Variants in ERLEC1 observed in about 807,000 individuals in gnomAD.
ERLEC1 encodes the protein endoplasmic reticulum lectin 1.
Under a neutral mutation model 68.0 loss-of-function variants are expected in ERLEC1, and 47 were observed. The observed-to-expected ratio is 0.69, with a 90% confidence interval of 0.55 to 0.88. ERLEC1 has a LOEUF of 0.88. Ranked by LOEUF, ERLEC1 falls within the 40% of genes least tolerant of loss-of-function variation. ERLEC1 has a pLI of 0.00. For synonymous variants in ERLEC1, 225 were observed against 203.2 expected (o/e 1.11, Z -0.91); for missense variants, 567 against 583.8 (o/e 0.97, Z 0.30).
chr2:53,798,540 A>G (rs1159066884), intron 5 of ERLEC1, among the ~76,000 whole-genome samples: 5 of 152,018 alleles, frequency 3.3e-5, no homozygotes, highest in African/African-American at 7.2e-5. Flanking sequence ...GATCGTATGC[A>G]TGAGGATGAG....
In ERLEC1 at chr2:53,818,118, T is replaced by TA. The variant is rs1354689213; in HGVS notation, c.*150dup. The stretch of plus-strand genomic sequence containing the variant: ...CAACCACTTTGTGAATACATATGTG[T>TA]ATATAAGAGGTTATTGATAAACTTC... On this transcript the variant is annotated 3_prime_UTR_variant, in exon 14 of 14. Transcript: ENST00000185150. 2 of 513,970 alleles carry TA rather than the reference T, an allele frequency of 3.9e-6. No homozygotes were observed. Among genetic ancestry groups the TA allele is most frequent in the Non-Finnish European group, 7.0e-6 (2 of 287,194 alleles). 31.8% of individuals were successfully genotyped at this position (513,970 alleles called of 1,614,324 possible).
At chr2:53,805,555 A>G (rs1676253458) in intron 8 of ERLEC1, among the ~76,000 whole-genome samples, 2 of 152,226 alleles carry the variant, frequency 1.3e-5, no homozygotes, top group South Asian at 4.1e-4. Flanking sequence ...CTGTTGATGG[A>G]CACTTAGGTT....
At chr2:53,805,732 G>A (rs1385944163) in intron 8 of ERLEC1, among the ~76,000 whole-genome samples, 2 of 152,184 alleles carry the variant, frequency 1.3e-5, no homozygotes, top group African/African-American at 4.8e-5. Context: ...AGACTGTTCT[G>A]TATAGTGTTT....
chr2:53,815,830 G>T (rs915194445), intron 13 of ERLEC1, among the ~76,000 whole-genome samples: 1 of 152,060 alleles, frequency 6.6e-6, no homozygotes, highest in Non-Finnish European at 1.5e-5. Flanking sequence ...TCCAGTCAGG[G>T]TATTCAGAAT....
At chr2:53,815,413 A>G (rs765670218) in intron 13 of ERLEC1, among the ~76,000 whole-genome samples, 6 of 152,138 alleles carry the variant, frequency 3.9e-5, no homozygotes, top group Non-Finnish European at 8.8e-5. Context: ...GTTTTTCTTG[A>G]CATTTTTTAT....
intron 3 of ERLEC1, among the ~76,000 whole-genome samples, chr2:53,797,289 A>G (rs1675764785): frequency 1.3e-5 from 2 of 152,242 alleles, no homozygotes; most frequent in African/African-American, 4.8e-5. Context: ...TACAGACCCC[A>G]AGTGTATTCT....
intron 1 of ERLEC1, chr2:53,787,756 C>T (rs373771186): frequency 7.1e-5 from 13 of 184,082 alleles, no homozygotes; most frequent in Admixed American, 2.4e-4. Context: ...TTCAGTATTA[C>T]ATGTCACCCT....
In ERLEC1 at chr2:53,808,484, A is replaced by C. The variant is rs200180941; in HGVS notation, c.1041+24A>C. ...GGGTGAGAAGTAAATCTTCAGTTTA[A>C]ATATTTATTTTACAACTTTACCTGC... On this transcript the variant is annotated intron_variant, in intron 9 of 13. Transcript: ENST00000185150. 8.3e-4 allele frequency: 1,339 copies of C among 1,609,692 alleles called. 2 individuals are homozygous for C. The Middle Eastern group carries it at 0.016, about 20-fold the overall frequency.
chr2:53,806,852 A>G (rs1459636832), intron 8 of ERLEC1, among the ~76,000 whole-genome samples: 1 of 152,200 alleles, frequency 6.6e-6, no homozygotes, highest in Admixed American at 6.5e-5. Context: ...TCAGGTCTAC[A>G]TTCATTTCTT....
chr2:53,788,848 T>C (rs1297910984), intron 1 of ERLEC1: 1 of 152,192 alleles, frequency 6.6e-6, no homozygotes, highest in East Asian at 1.9e-4. Context: ...TACCTGTTGT[T>C]GTATCCAAAG....
In ERLEC1 at chr2:53,796,031, A is replaced by G. The variant is rs771164727; in HGVS notation, c.348+18A>G. Reference sequence around the variant, plus strand: ...CCTACAGAGTATGTATTTTATGTTTACTTGATGACTAGAAAATAGATTACC... The same window carrying G: ...CCTACAGAGTATGTATTTTATGTTTGCTTGATGACTAGAAAATAGATTACC... On this transcript the variant is annotated intron_variant, in intron 3 of 13. Coordinates refer to ENST00000185150, the MANE Select transcript of ERLEC1 (RefSeq NM_015701.5). The G allele has an allele frequency of 2.0e-6, 3 of 1,494,214 alleles. No individual in the cohort carries two copies. The highest frequency in any genetic ancestry group is 2.7e-6 in the Non-Finnish European group (3 of 1,094,440). The allele number at this position is 1,494,214 out of a possible 1,614,324, so 92.6% of individuals were successfully genotyped here.
intron 1 of ERLEC1, chr2:53,788,563 AT>A (rs763375369): frequency 1.8e-3 from 250 of 141,478 alleles, no homozygotes; most frequent in Non-Finnish European, 1.7e-3. Flanking sequence ...CTCCTGGCTA[AT>A]TTTTTTTTTT....
intron 8 of ERLEC1, among the ~76,000 whole-genome samples, chr2:53,804,094 G>A (rs1437973262): frequency 6.6e-6 from 1 of 152,114 alleles, no homozygotes; most frequent in African/African-American, 2.4e-5. Flanking sequence ...TTGCACCACT[G>A]CACTCCAGCC....
chr2:53,809,870 A>T (rs7608486), intron 10 of ERLEC1, among the ~76,000 whole-genome samples: 2 of 152,164 alleles, frequency 1.3e-5, no homozygotes, highest in African/African-American at 2.4e-5. Flanking sequence ...AGCCTGGCCA[A>T]CATGGTGAAA....
intron 8 of ERLEC1, among the ~76,000 whole-genome samples, 175 bp from the exon 9 acceptor site, chr2:53,808,124 T>G (rs1354657083): frequency 6.6e-6 from 1 of 152,218 alleles, no homozygotes; most frequent in Non-Finnish European, 1.5e-5. Context: ...AACATTTGTC[T>G]GGAGCTTTCT....
intron 10 of ERLEC1, among the ~76,000 whole-genome samples, chr2:53,812,449 T>C (rs1301118095): frequency 6.6e-6 from 1 of 152,178 alleles, no homozygotes; most frequent in Admixed American, 6.5e-5. Context: ...ATAAGTATGG[T>C]ACCAAATGAA....
intron 1 of ERLEC1, among the ~76,000 whole-genome samples, chr2:53,790,595 G>T (rs1573061262): frequency 6.6e-6 from 1 of 152,146 alleles, no homozygotes; most frequent in South Asian, 2.1e-4. Flanking sequence ...CTTGCTTTCA[G>T]ATTTGCTTAG....
rs981111178 is a variant in ERLEC1 at position 53,796,986 on chromosome 2, G to T, written c.349-529G>T. Among the ~76,000 whole-genome samples the T allele has an allele frequency of 3.4e-5, 5 of 149,050 alleles. No individual in the cohort carries two copies. The South Asian group carries it at 1.1e-3, about 32-fold the overall frequency. The stretch of plus-strand genomic sequence containing the variant: ...AGCTCACTGCAACCTCCGCCTGCCA[G>T]GTTCAAGCGCTTCTTCTGCCTCAGC... On this transcript the variant is annotated intron_variant, in intron 3 of 13. Transcript: ENST00000185150.
Position 53,787,126 on chromosome 2 carries a change from CCT to C in ERLEC1, c.-83_-82del. 11 of 1,248,302 alleles carry C rather than the reference CCT, an allele frequency of 8.8e-6. No homozygotes were observed. The highest frequency in any genetic ancestry group is 8.4e-6 in the Non-Finnish European group (8 of 953,986). The allele number at this position is 1,248,302 out of a possible 1,614,324, so 77.3% of individuals were successfully genotyped here. On this transcript the variant is annotated 5_prime_UTR_variant, in exon 1 of 14. Coordinates refer to ENST00000185150, the MANE Select transcript of ERLEC1 (RefSeq NM_015701.5). ...ACCCGGGCGCTTTATAGTCCCGCCG[CCT>C]CCTCCTCCACCTCCTCCTCCTCCTC...
Sources: allele counts gnomAD v4.1 joint callset (sites outside exome capture counted in the v4.1 genomes callset), GRCh38; gene constraint gnomAD v4.1.1; transcripts MANE v1.5; gene names NCBI Gene and HGNC (gene_info 2026-07-23, HGNC 2026-07-21).